Variants in TKFC observed in about 807,000 individuals in gnomAD.
TKFC encodes the protein triokinase/FMN cyclase.
Under a neutral mutation model 61.0 loss-of-function variants are expected in TKFC, and 46 were observed. The ratio of observed to expected loss-of-function variants is 0.75; its 90% CI spans 0.60 to 0.96. TKFC has a LOEUF of 0.96. Among genes scored for constraint, TKFC ranks in the 50% least tolerant of loss-of-function variants. The probability of loss-of-function intolerance (pLI) is 0.00; values close to 1 mark genes in which losing one functional copy is unlikely to be tolerated. For synonymous variants in TKFC, 314 were observed against 330.1 expected, an observed-to-expected ratio of 0.95 and a Z score of 0.53; for missense variants, 715 against 777.5, an observed-to-expected ratio of 0.92 and a Z score of 0.96.
intron 2 of TKFC, among the ~76,000 whole-genome samples, chr11:61,336,895 C>T (rs1856630432): frequency 6.6e-6 from 1 of 152,184 alleles, no homozygotes; most frequent in South Asian, 2.1e-4. Context: ...ACACTATTCA[C>T]TCATCCAGGC....
At chr11:61,341,774 C>T in intron 6 of TKFC, 49 bp from the exon 7 acceptor site, 1 of 1,545,844 alleles carries the variant, frequency 6.5e-7, no homozygotes, top group Non-Finnish European at 8.9e-7. Flanking sequence ...TTCCTGATGC[C>T]CAGTGCTAAG....
rs1259205614 is a variant in TKFC at position 61,349,239 on chromosome 11, C to T, written c.*2736C>T. ...GCTCAAGCTCTAGCATGGCACAGAA[C>T]GCTAGGTTGGGCCAGGCAAGCAGCC... is the stretch of plus-strand genomic sequence containing the variant. On this transcript the variant is annotated 3_prime_UTR_variant, in exon 18 of 18. Transcript: ENST00000394900. The T allele has an allele frequency of 8.1e-6, 3 of 369,136 alleles. No homozygotes were observed. The highest frequency in any genetic ancestry group is 4.1e-5 in the African/African-American group (2 of 48,490). The allele number at this position is 369,136 out of a possible 1,614,324, so 22.9% of individuals were successfully genotyped here.
At chr11:61,342,434 G>A (rs1026088827) in intron 7 of TKFC, 27 bp from the exon 8 acceptor site, 2 of 1,613,770 alleles carry the variant, frequency 1.2e-6, no homozygotes, top group African/African-American at 1.3e-5. Flanking sequence ...CCTTGAGTGG[G>A]TCAGCAGTGA....
In TKFC at chr11:61,339,393, G is replaced by GGCAGGCC; in HGVS notation, c.446_452dup (p.Gly153ProfsTer19). On this transcript the variant is annotated frameshift_variant, in exon 5 of 18. Transcript: ENST00000394900. The stretch of plus-strand genomic sequence containing the variant: ...ACAGCGCCTTCACTGTCCTGAAGAA[G>GGCAGGCC]GCAGGCCGGCGGGGGCTGTGCGGCA... The GGCAGGCC allele has an allele frequency of 6.2e-7, 1 of 1,613,296 alleles. No individual in the cohort carries two copies. Among genetic ancestry groups the GGCAGGCC allele is most frequent in the Non-Finnish European group, 8.5e-7 (1 of 1,179,922 alleles).
In TKFC at chr11:61,337,991, T is replaced by C; in HGVS notation, c.54T>C (p.Leu18=). 1 of 1,613,222 alleles carries C rather than the reference T, an allele frequency of 6.2e-7. No individual in the cohort carries two copies. The highest frequency in any genetic ancestry group is 8.5e-7 in the Non-Finnish European group (1 of 1,179,678). The change falls in exon 3 of 18, where the codon CTT becomes CTC. Residue 18 remains leucine, a synonymous_variant. Transcript: ENST00000394900. ...NSVAGCADDA[L]AGLVACNPNL... ...TGGCTGGCTGTGCTGATGACGCTCT[T>C]GCTGGCCTGGTGGCCTGCAACCCCA...
downstream of TKFC, chr11:61,352,710 C>T (rs889391868): frequency 4.4e-6 from 4 of 919,516 alleles, no homozygotes; most frequent in African/African-American, 6.9e-5. Context: ...CAATCAATAC[C>T]AATGATGTAG....
downstream of TKFC, chr11:61,350,304 T>G: frequency 6.6e-7 from 1 of 1,507,610 alleles, no homozygotes; most frequent in Non-Finnish European, 9.0e-7. Context: ...GAAAGTCGCC[T>G]GCTGAAACCA....
At chr11:61,335,778 G>A (rs1013959357) in intron 2 of TKFC, 1 of 152,316 alleles carries the variant, frequency 6.6e-6, no homozygotes, top group African/African-American at 2.4e-5. Context: ...CTGTTGGGAA[G>A]TTTTGTTTTG....
intron 2 of TKFC, among the ~76,000 whole-genome samples, chr11:61,336,707 C>A (rs924558550): frequency 6.6e-6 from 1 of 152,330 alleles, no homozygotes; most frequent in Admixed American, 6.5e-5. Flanking sequence ...AAGCCACACT[C>A]CATTCTGGCC....
intron 16 of TKFC, 22 bp from the exon 17 acceptor site, chr11:61,345,835 C>G (rs1348669906): frequency 6.2e-7 from 1 of 1,614,036 alleles, no homozygotes; most frequent in African/African-American, 1.3e-5. Context: ...GTGCTCAGCC[C>G]CCTTTCCTTC....
Position 61,347,432 on chromosome 11 carries a change from G to T in TKFC, c.*929G>T. 1 of 913,242 alleles carries T rather than the reference G, an allele frequency of 1.1e-6. No individual in the cohort carries two copies. Among genetic ancestry groups the T allele is most frequent in the Non-Finnish European group, 1.3e-6 (1 of 764,416 alleles). The allele number at this position is 913,242 out of a possible 1,614,324, so 56.6% of individuals were successfully genotyped here. On this transcript the variant is annotated 3_prime_UTR_variant, in exon 18 of 18. Transcript: ENST00000394900. ...TAGTGTGTGCCTATAGTCCTAACTT[G>T]GGAGGCTGAGTTGGGAGGATGGCTT...
At chr11:61,334,879 C>CTTCA in intron 2 of TKFC, 148 bp downstream of exon 2, 1 of 1,242,370 alleles carries the variant, frequency 8.0e-7, no homozygotes, top group Non-Finnish European at 1.1e-6. Flanking sequence ...CATCCTCTCT[C>CTTCA]CCAGGGTCTG....
chr11:61,333,421 C>G (rs1043412083), intron 1 of TKFC, 92 bp downstream of exon 1: 17 of 154,570 alleles, frequency 1.1e-4, no homozygotes, highest in Non-Finnish European at 1.7e-4. Context: ...TTCCGTTGCT[C>G]CAGGAGCCCT....
At chr11:61,335,098 G>A (rs901290350) in intron 2 of TKFC, among the ~76,000 whole-genome samples, 1 of 152,182 alleles carries the variant, frequency 6.6e-6, no homozygotes, top group Admixed American at 6.5e-5. Context: ...TAACCTTGGG[G>A]CTTATGTGGG....
intron 1 of TKFC, chr11:61,333,818 C>T (rs1856489237): frequency 6.6e-6 from 1 of 152,260 alleles, no homozygotes; most frequent in Non-Finnish European, 1.5e-5. Context: ...AAGAGGAATA[C>T]CACGTGGCTT....
chr11:61,346,074 G>A lies in TKFC; in HGVS notation c.1575+128G>A. On this transcript the variant is annotated intron_variant, in intron 17 of 17. Coordinates refer to ENST00000394900, the MANE Select transcript of TKFC (RefSeq NM_015533.4). This position sits in a 1 kb window ranked among gnomAD's most constrained non-coding sequence, Gnocchi z 4.1. ...GTTTCCTTCTCTGTACAATGGAGAT[G>A]AGCACCTATCTCAGAAGGTGGTTAT... is the stretch of plus-strand genomic sequence containing the variant. 2.6e-6 allele frequency: 3 copies of A among 1,144,194 alleles called. No individual in the cohort carries two copies. The highest frequency in any genetic ancestry group is 3.7e-6 in the Non-Finnish European group (3 of 817,470). The allele number at this position is 1,144,194 out of a possible 1,614,324, so 70.9% of individuals were successfully genotyped here. A position where few individuals can be genotyped will look rare whatever the true frequency, so the allele number is the denominator to read the frequency against.
rs141551653 is a variant in TKFC, at chr11:61,344,171, C to T, written c.1138C>T (p.Arg380Trp). The change falls in exon 13 of 18, where the codon CGG (arginine) becomes TGG (tryptophan). Residue 380 changes from arginine (R) to tryptophan (W), a missense_variant. Arg to Trp is a moderately radical substitution (Grantham distance 101). Transcript: ENST00000394900. ...GAAGCGGATGGCGCTGGTGCTGGAACGGGTGTGCAGCACTCTCCTGGGCCT... is the reference window on the plus strand; with the variant it reads ...GAAGCGGATGGCGCTGGTGCTGGAATGGGTGTGCAGCACTCTCCTGGGCCT... ...ASKRMALVLERVCSTLLGLEE... is the reference protein window; with the variant it reads ...ASKRMALVLEWVCSTLLGLEE... 6.6e-5 allele frequency: 106 copies of T among 1,612,376 alleles called. No individual in the cohort carries two copies. The African/African-American group carries it at 1.0e-3, about 15-fold the overall frequency.
At chr11:61,338,173 C>A in intron 3 of TKFC, 43 bp downstream of exon 3, 1 of 1,499,844 alleles carries the variant, frequency 6.7e-7, no homozygotes, top group South Asian at 1.3e-5. Context: ...GTGGAGTGGA[C>A]AGGGCCTCCT....
chr11:61,348,665 C>G lies in TKFC; in HGVS notation c.*2162C>G, dbSNP rs977114877. On this transcript the variant is annotated 3_prime_UTR_variant, in exon 18 of 18. Coordinates refer to ENST00000394900, the MANE Select transcript of TKFC (RefSeq NM_015533.4). ...GGTGAGAAGATGGTCTCTGAGGAAGCTGGCCCTTGCCACACACCACATTTG... is the reference window on the plus strand; with the variant it reads ...GGTGAGAAGATGGTCTCTGAGGAAGGTGGCCCTTGCCACACACCACATTTG... The G allele has an allele frequency of 8.0e-6, 2 of 251,076 alleles. No individual in the cohort carries two copies. The highest frequency in any genetic ancestry group is 6.5e-5 in the Admixed American group (1 of 15,386). The allele number at this position is 251,076 out of a possible 1,614,324, so 15.6% of individuals were successfully genotyped here. A position where few individuals can be genotyped will look rare whatever the true frequency, so the allele number is the denominator to read the frequency against.
Sources: gnomAD v4.1 joint callset for allele counts (sites outside exome capture counted in the v4.1 genomes callset) on GRCh38, gnomAD v4.1.1 for gene constraint, Gnocchi (gnomAD v3.1) non-coding constraint, MANE v1.5 for transcripts, NCBI Gene and HGNC (gene_info 2026-07-23, HGNC 2026-07-21) for gene names.